Variants in ANO3 observed in about 807,000 individuals in gnomAD.
ANO3 encodes anoctamin 3, also known as anoctamin-3.
Under a neutral mutation model 144.8 loss-of-function variants are expected in ANO3, and 99 were observed. The observed-to-expected ratio is 0.68, with a 90% CI of 0.58 to 0.81. The LOEUF (loss-of-function observed/expected upper bound fraction) is 0.81, where lower values mean the gene tolerates loss of function less well. ANO3 is among the 30% of genes least tolerant of loss of function. ANO3 has a pLI of 0.00. For missense variants in ANO3, 905 were observed against 1,202.2 expected (o/e 0.75, Z 3.66); for synonymous variants, 414 against 392.6 (o/e 1.05, Z -0.64).
At chr11:26,517,064 GT>G (rs915614326) in intron 6 of ANO3, 137 bp downstream of exon 6, 44 of 450,318 alleles carry the variant, frequency 9.8e-5, no homozygotes, top group African/African-American at 5.1e-4. Flanking sequence ...ATTCTGGACA[GT>G]TTTTTTTTCT....
At chr11:26,352,504 G>A (rs950288807) in intron 1 of ANO3, among the ~76,000 whole-genome samples, 1 of 152,028 alleles carries the variant, frequency 6.6e-6, no homozygotes, top group Non-Finnish European at 1.5e-5. Flanking sequence ...TCTTCCCCTG[G>A]ATCTTTTTGA....
At chr11:26,274,780 T>C (rs770341506) in intron 1 of ANO3, among the ~76,000 whole-genome samples, 3 of 152,088 alleles carry the variant, frequency 2.0e-5, no homozygotes, top group Admixed American at 6.6e-5. Context: ...GCAGAGATAC[T>C]TCAGTGATAT....
intron 1 of ANO3, among the ~76,000 whole-genome samples, chr11:26,250,418 T>C (rs1464592324): frequency 6.6e-6 from 1 of 152,210 alleles, no homozygotes; most frequent in Admixed American, 6.5e-5. Context: ...GGCATCCATA[T>C]CTATTTATTT....
chr11:26,355,343 T>C (rs942364239), intron 1 of ANO3, among the ~76,000 whole-genome samples: 3 of 152,154 alleles, frequency 2.0e-5, no homozygotes, highest in African/African-American at 7.2e-5. Context: ...TTTTTTTTCC[T>C]TTCATCACTT....
At chr11:26,293,390 T>C (rs1160022854) in intron 1 of ANO3, among the ~76,000 whole-genome samples, 2 of 151,328 alleles carry the variant, frequency 1.3e-5, no homozygotes, top group African/African-American at 4.8e-5. Context: ...TTAGTGAGCA[T>C]TTTTTCTCCC....
At chr11:26,636,386 C>T (rs953453737) in intron 20 of ANO3, among the ~76,000 whole-genome samples, 1 of 152,118 alleles carries the variant, frequency 6.6e-6, no homozygotes, top group Admixed American at 6.6e-5. Context: ...TCTTTTACTA[C>T]AACTATATAA....
intron 1 of ANO3, among the ~76,000 whole-genome samples, chr11:26,321,393 T>G (rs1242978972): frequency 1.3e-5 from 2 of 152,070 alleles, no homozygotes; most frequent in Non-Finnish European, 2.9e-5. Context: ...CTTTTTTGGC[T>G]CTTATATTAA....
At chr11:26,450,182 T>C (rs760854091) in intron 3 of ANO3, among the ~76,000 whole-genome samples, 1 of 152,220 alleles carries the variant, frequency 6.6e-6, no homozygotes, top group Non-Finnish European at 1.5e-5. Flanking sequence ...CTGTGACTTA[T>C]GTTTGCCTTA....
intron 4 of ANO3, among the ~76,000 whole-genome samples, chr11:26,500,089 C>T (rs898941527): frequency 2.0e-5 from 3 of 149,680 alleles, no homozygotes; most frequent in Admixed American, 6.7e-5. Context: ...TGGGTTCTTT[C>T]ATTTAGTAAC....
In ANO3 at chr11:26,293,539, A is replaced by ATATATATATC. The variant is rs1444794634; in HGVS notation, c.155-16097_155-16096insCTATATATAT. Among the ~76,000 whole-genome samples the ATATATATATC allele has an allele frequency of 1.6e-4, 14 of 88,318 alleles. 1 individual carries two copies. In the East Asian group the frequency reaches 5.9e-3, roughly 38 times the overall value. The allele number at this position is 88,318 out of a possible 152,430, so 57.9% of individuals were successfully genotyped here. A position where few individuals can be genotyped will look rare whatever the true frequency, so the allele number is the denominator to read the frequency against. On this transcript the variant is annotated intron_variant, in intron 1 of 27. Transcript: ENST00000672621. ...GTGGGTCTATAAATTCCATGTATAT[A>ATATATATATC]TATATATATATATATATATATATAT...
intron 17 of ANO3, among the ~76,000 whole-genome samples, chr11:26,611,859 AT>A (rs71449124): frequency 0.41 from 61,822 of 151,246 alleles, 12,846 homozygotes; most frequent in South Asian, 0.58. Flanking sequence ...TCATTATATA[AT>A]TTTTTTTTGT....
chr11:26,610,419 A>G (rs1365970114), intron 17 of ANO3, among the ~76,000 whole-genome samples: 2 of 124,362 alleles, frequency 1.6e-5, no homozygotes, highest in Non-Finnish European at 3.4e-5. Flanking sequence ...TTTTGTTGTT[A>G]TTTAAGTCCC....
intron 3 of ANO3, among the ~76,000 whole-genome samples, chr11:26,462,386 T>G (rs187184693): frequency 6.6e-6 from 1 of 152,024 alleles, no homozygotes; most frequent in Admixed American, 6.6e-5. Context: ...TATTTTATAT[T>G]ATTTTACATT....
At chr11:26,475,675 T>C (rs1259581900) in intron 4 of ANO3, among the ~76,000 whole-genome samples, 1 of 152,044 alleles carries the variant, frequency 6.6e-6, no homozygotes, top group Non-Finnish European at 1.5e-5. Flanking sequence ...ATAATTATAC[T>C]TAATATTCAT....
At chr11:26,325,861 T>C (rs930028569) in intron 1 of ANO3, among the ~76,000 whole-genome samples, 4 of 152,180 alleles carry the variant, frequency 2.6e-5, no homozygotes, top group African/African-American at 4.8e-5. Context: ...TATGAGGAGA[T>C]GGAACGACCG....
At chr11:26,592,191 T>C (rs1169175522) in intron 14 of ANO3, among the ~76,000 whole-genome samples, 1 of 152,072 alleles carries the variant, frequency 6.6e-6, no homozygotes, top group Non-Finnish European at 1.5e-5. Flanking sequence ...AGTCACACTT[T>C]TGGGAGAGAG....
chr11:26,324,643 A>G (rs910730802), intron 1 of ANO3, among the ~76,000 whole-genome samples: 2 of 152,220 alleles, frequency 1.3e-5, no homozygotes, highest in Admixed American at 1.3e-4. Flanking sequence ...TCAGATGTAT[A>G]TATAGTGAAC....
intron 17 of ANO3, among the ~76,000 whole-genome samples, chr11:26,605,794 C>G (rs934478514): frequency 5.3e-5 from 8 of 152,044 alleles, no homozygotes; most frequent in Admixed American, 4.6e-4. Context: ...TCCCCTTTAT[C>G]ATTTTTTATT....
chr11:26,566,375 C>T (rs957818814), intron 14 of ANO3, among the ~76,000 whole-genome samples: 1 of 151,932 alleles, frequency 6.6e-6, no homozygotes. Flanking sequence ...AATGACATTA[C>T]TGACTATACA....
Sources: gnomAD v4.1 joint callset for allele counts (sites outside exome capture counted in the v4.1 genomes callset) on GRCh38, gnomAD v4.1.1 for gene constraint, MANE v1.5 for transcripts, NCBI Gene and HGNC (gene_info 2026-07-23, HGNC 2026-07-21) for gene names.